The following FDFT1 variants were observed in gnomAD, a reference collection of about 807,000 sequenced individuals.
FDFT1 encodes squalene synthase.
In FDFT1, 68 loss-of-function variants were observed where a neutral mutation model predicts 46.8. The observed-to-expected ratio is 1.45, with a 90% CI of 1.19 to 1.78. FDFT1 has a LOEUF of 1.78. Ranked by LOEUF, FDFT1 falls within the 40% of genes most tolerant of loss-of-function variation. The probability of loss-of-function intolerance (pLI) is 0.00; values close to 1 mark genes in which losing one functional copy is unlikely to be tolerated. For missense variants in FDFT1, 928 were observed against 524.4 expected, an observed-to-expected ratio of 1.77 and a Z score of -7.52; for synonymous variants, 351 against 185.1, an observed-to-expected ratio of 1.90 and a Z score of -7.28.
intron 3 of FDFT1, among the ~76,000 whole-genome samples, chr8:11,819,515 G>T (rs1205487600): frequency 6.6e-6 from 1 of 151,962 alleles, no homozygotes; most frequent in Non-Finnish European, 1.5e-5. Context: ...TCACATAGTC[G>T]CATATTTATT....
Position 11,808,825 on chromosome 8 carries a change from AC to A in FDFT1, c.132del (p.Tyr44Ter). 1 of 1,613,860 alleles carries A rather than the reference AC, an allele frequency of 6.2e-7. No individual in the cohort carries two copies. The highest frequency in any genetic ancestry group is 8.5e-7 in the Non-Finnish European group (1 of 1,179,936). On this transcript the variant is annotated frameshift_variant, in exon 2 of 8. Coordinates refer to ENST00000220584, the MANE Select transcript of FDFT1 (RefSeq NM_004462.5). LOFTEE classifies it high-confidence loss of function. ...DSLSSSLKTCYKYLNQTSRSF... is the reference protein window; with the variant it reads ...DSLSSSLKTCXKYLNQTSRSF... ...CTCAGCAGCAGCCTGAAAACTTGCT[AC>A]AAGTATCTCAATCAGACCAGTCGCA...
At chr8:11,822,568 C>A (rs922418727) in intron 4 of FDFT1, among the ~76,000 whole-genome samples, 2 of 152,170 alleles carry the variant, frequency 1.3e-5, no homozygotes, top group Admixed American at 6.5e-5. Context: ...AATCTCAGCA[C>A]TTTGGGAGGC....
At chr8:11,808,693 GGAGCC>G in intron 1 of FDFT1, 96 bp from the exon 2 acceptor site, 1 of 1,471,942 alleles carries the variant, frequency 6.8e-7, no homozygotes, top group Non-Finnish European at 9.0e-7. Context: ...GGCAGGCTGT[GGAGCC>G]GCCTGCCCCA....
intron 3 of FDFT1, among the ~76,000 whole-genome samples, chr8:11,815,652 G>A (rs1310624176): frequency 1.3e-5 from 2 of 152,120 alleles, no homozygotes; most frequent in Non-Finnish European, 1.5e-5. Context: ...TATGTCTGTT[G>A]GCTGCATAAA....
intron 4 of FDFT1, 76 bp downstream of exon 4, chr8:11,821,954 A>G (rs888886174): frequency 1.8e-5 from 28 of 1,548,366 alleles, no homozygotes; most frequent in Non-Finnish European, 2.4e-5. Context: ...GCTCAGAACA[A>G]GAAAAGTTGT....
chr8:11,802,620 C>A, upstream of FDFT1: 1 of 592,734 alleles, frequency 1.7e-6, no homozygotes, highest in South Asian at 1.9e-5. Flanking sequence ...CAATCAGCGC[C>A]CGTCAGCCCA....
chr8:11,808,254 C>T (rs1285151976), intron 1 of FDFT1: 3 of 1,208,174 alleles, frequency 2.5e-6, no homozygotes, highest in Non-Finnish European at 1.0e-6. Context: ...GAGACTCTGT[C>T]ACTGGGAGGA....
At chr8:11,830,780 C>T (rs1022167008) in intron 6 of FDFT1, among the ~76,000 whole-genome samples, 2 of 152,182 alleles carry the variant, frequency 1.3e-5, no homozygotes, top group African/African-American at 4.8e-5. Flanking sequence ...CTTCATTAAG[C>T]ACCTAATTAC....
chr8:11,835,179 G>A (rs932323318), intron 7 of FDFT1, among the ~76,000 whole-genome samples: 8 of 152,126 alleles, frequency 5.3e-5, no homozygotes, highest in African/African-American at 1.7e-4. Flanking sequence ...ATGAAAAGTC[G>A]GCTATGACCT....
At chr8:11,834,222 G>C (rs573918872) in intron 7 of FDFT1, among the ~76,000 whole-genome samples, 22 of 152,318 alleles carry the variant, frequency 1.4e-4, no homozygotes, top group African/African-American at 3.4e-4. Flanking sequence ...TGGGGGCTTG[G>C]AGTGCAGCCC....
At chr8:11,821,132 T>C (rs954177331) in intron 3 of FDFT1, among the ~76,000 whole-genome samples, 1 of 152,258 alleles carries the variant, frequency 6.6e-6, no homozygotes, top group Non-Finnish European at 1.5e-5. Flanking sequence ...GAGGTTTCTC[T>C]AAACAAGCTG....
chr8:11,831,481 A>T (rs772985825), intron 6 of FDFT1, 37 bp from the exon 7 acceptor site: 1 of 1,596,590 alleles, frequency 6.3e-7, no homozygotes, highest in Non-Finnish European at 8.6e-7. Context: ...TAACGACATC[A>T]TTTCTTCTTT....
At chr8:11,837,645 CT>C (rs376313820) in intron 7 of FDFT1, among the ~76,000 whole-genome samples, 7 of 152,170 alleles carry the variant, frequency 4.6e-5, no homozygotes, top group African/African-American at 1.7e-4. Flanking sequence ...AGAGCTCAGG[CT>C]TTTTTTCTCC....
chr8:11,805,587 A>T (rs1355875966), intron 1 of FDFT1, among the ~76,000 whole-genome samples: 1 of 152,228 alleles, frequency 6.6e-6, no homozygotes, highest in African/African-American at 2.4e-5. Context: ...CATCTGTAAA[A>T]TAGGGATGTA....
chr8:11,833,025 C>G (rs73663017), intron 7 of FDFT1, among the ~76,000 whole-genome samples: 31 of 152,164 alleles, frequency 2.0e-4, no homozygotes, highest in African/African-American at 7.2e-4. Context: ...TATACTTCCT[C>G]CCTACCTTTA....
upstream of FDFT1, chr8:11,798,065 C>G (rs1482261971): frequency 1.5e-5 from 2 of 135,288 alleles, no homozygotes; most frequent in Non-Finnish European, 3.3e-5. Flanking sequence ...GGATTATAAT[C>G]AAGTGTGTGT....
chr8:11,816,253 C>G (rs1009008168), intron 3 of FDFT1, among the ~76,000 whole-genome samples: 1 of 152,192 alleles, frequency 6.6e-6, no homozygotes, highest in Non-Finnish European at 1.5e-5. Flanking sequence ...CAGTACCATG[C>G]TGTTTTGGTT....
chr8:11,801,350 G>A (rs1350497693), upstream of FDFT1, among the ~76,000 whole-genome samples: 1 of 152,148 alleles, frequency 6.6e-6, no homozygotes, highest in African/African-American at 2.4e-5. Flanking sequence ...ATGAAGTCTC[G>A]CTCTTGTCCC....
At chr8:11,820,016 A>G (rs1244330817) in intron 3 of FDFT1, among the ~76,000 whole-genome samples, 1 of 152,168 alleles carries the variant, frequency 6.6e-6, no homozygotes, top group Non-Finnish European at 1.5e-5. Context: ...TTGGTGACGT[A>G]CAGATGGGTT....
Sources: allele counts gnomAD v4.1 joint callset (sites outside exome capture counted in the v4.1 genomes callset), GRCh38; gene constraint gnomAD v4.1.1; transcripts MANE v1.5; gene names NCBI Gene and HGNC (gene_info 2026-07-23, HGNC 2026-07-21).